The following CAST variants were observed in gnomAD, a reference collection of about 807,000 sequenced individuals.
CAST encodes MIR583 host.
CAST carries 76 observed loss-of-function variants against 119.6 expected under a neutral mutation model. The observed-to-expected ratio is 0.64, with a 90% CI of 0.53 to 0.77. CAST has a LOEUF of 0.77. CAST is among the 30% of genes least tolerant of loss of function. The pLI, the probability that CAST is intolerant of heterozygous loss-of-function variation, is 0.00. For synonymous variants in CAST, 319 were observed against 331.6 expected (o/e 0.96, Z 0.41); for missense variants, 953 against 946.5 (o/e 1.01, Z -0.09).
At chr5:95,969,892 C>G in the CAST span, among the ~76,000 whole-genome samples, 1 of 152,052 alleles carries the variant, frequency 6.6e-6, no homozygotes, top group African/African-American at 2.4e-5. Context: ...AGCAAGTTTT[C>G]TGAGGGAGGT....
the CAST span, among the ~76,000 whole-genome samples, chr5:96,494,839 C>T: frequency 2.6e-5 from 4 of 152,114 alleles, no homozygotes; most frequent in East Asian, 1.9e-4. Context: ...GTGCGTTGGC[C>T]GGGCGCAGTA....
intron 2 of CAST, among the ~76,000 whole-genome samples, chr5:96,680,367 AAAAAAAAAAAAAG>A (rs1244171184): frequency 2.2e-5 from 3 of 137,508 alleles, no homozygotes; most frequent in Non-Finnish European, 4.6e-5. Flanking sequence ...AAAAAAAAAA[AAAAAAAAAAAAAG>A]AAGAAGAAGA....
the CAST span, among the ~76,000 whole-genome samples, chr5:96,191,683 C>T: frequency 1.3e-5 from 2 of 152,208 alleles, no homozygotes; most frequent in Non-Finnish European, 2.9e-5. Context: ...GACTCTTCTC[C>T]CTCAGTCTCC....
chr5:96,468,212 A>G, the CAST span, among the ~76,000 whole-genome samples: 2 of 152,092 alleles, frequency 1.3e-5, no homozygotes, highest in Non-Finnish European at 2.9e-5. Context: ...GGTATAATGG[A>G]CACTGGAGAT....
chr5:96,643,365 T>G (rs898494738), intron 1 of CAST, among the ~76,000 whole-genome samples: 1 of 152,138 alleles, frequency 6.6e-6, no homozygotes, highest in East Asian at 1.9e-4. Context: ...TAGTTAAATC[T>G]ATAGAGGCAG....
At chr5:96,147,089 G>A in the CAST span, among the ~76,000 whole-genome samples, 1 of 152,198 alleles carries the variant, frequency 6.6e-6, no homozygotes, top group Non-Finnish European at 1.5e-5. Context: ...CATGTTCTGT[G>A]ATTATGCACA....
At chr5:96,289,101 A>G in the CAST span, among the ~76,000 whole-genome samples, 4 of 119,036 alleles carry the variant, frequency 3.4e-5, no homozygotes, top group Non-Finnish European at 7.0e-5. Flanking sequence ...TATATGATTA[A>G]GAAAAAAAAA....
chr5:96,242,909 A>G, the CAST span, among the ~76,000 whole-genome samples: 1 of 152,192 alleles, frequency 6.6e-6, no homozygotes, highest in Non-Finnish European at 1.5e-5. Flanking sequence ...CTTTTGTATT[A>G]TTCTTGCATA....
chr5:96,481,266 TA>T, the CAST span, among the ~76,000 whole-genome samples: 5 of 151,792 alleles, frequency 3.3e-5, no homozygotes, highest in African/African-American at 7.3e-5. Context: ...GTGAATCTAC[TA>T]AAAAAAACAC....
At chr5:96,235,785 C>T in the CAST span, among the ~76,000 whole-genome samples, 2 of 152,148 alleles carry the variant, frequency 1.3e-5, no homozygotes, top group Non-Finnish European at 2.9e-5. Flanking sequence ...AATTCCCTGC[C>T]TCTGAAAATC....
intron 1 of CAST, among the ~76,000 whole-genome samples, chr5:96,593,106 C>A (rs1746994110): frequency 6.6e-6 from 1 of 152,228 alleles, no homozygotes; most frequent in Non-Finnish European, 1.5e-5. Context: ...TCTCAGCTTC[C>A]TTTGTGGCCC....
chr5:96,257,523 T>C, the CAST span, among the ~76,000 whole-genome samples: 1 of 152,222 alleles, frequency 6.6e-6, no homozygotes, highest in Non-Finnish European at 1.5e-5. Flanking sequence ...GAATTGACGT[T>C]GATGTTGACA....
intron 1 of CAST, among the ~76,000 whole-genome samples, chr5:96,554,016 G>C (rs263387): frequency 0.33 from 50,769 of 152,056 alleles, 9,118 homozygotes; most frequent in Middle Eastern, 0.45. Context: ...TCCCCATCAA[G>C]CTACCACTCA....
chr5:96,304,582 G>C, the CAST span, among the ~76,000 whole-genome samples: 1 of 152,104 alleles, frequency 6.6e-6, no homozygotes, highest in Non-Finnish European at 1.5e-5. Context: ...TATGGTTTTA[G>C]GTCTTACATT....
At chr5:95,962,692 C>T in the CAST span, among the ~76,000 whole-genome samples, 1 of 152,100 alleles carries the variant, frequency 6.6e-6, no homozygotes, top group South Asian at 2.1e-4. Context: ...TGTTGTGATT[C>T]TCTGGGATCA....
chr5:96,749,959 C>T (rs898411632), intron 19 of CAST, among the ~76,000 whole-genome samples: 1 of 152,164 alleles, frequency 6.6e-6, no homozygotes, highest in East Asian at 1.9e-4. Context: ...GACTCTACCC[C>T]CAAAGTTTCT....
At chr5:96,500,753 T>C in the CAST span, among the ~76,000 whole-genome samples, 1 of 152,204 alleles carries the variant, frequency 6.6e-6, no homozygotes, top group East Asian at 1.9e-4. Flanking sequence ...TGTGCTTAAA[T>C]GTATAACTAA....
the CAST span, among the ~76,000 whole-genome samples, chr5:96,496,158 T>A: frequency 6.6e-6 from 1 of 152,244 alleles, no homozygotes; most frequent in Non-Finnish European, 1.5e-5. Flanking sequence ...AAATCCATAA[T>A]AAATGTCATT....
the CAST span, among the ~76,000 whole-genome samples, chr5:96,235,042 A>G: frequency 2.6e-5 from 4 of 152,226 alleles, no homozygotes; most frequent in Non-Finnish European, 5.9e-5. Context: ...GCAAATGGAA[A>G]AAATAGATTT....
Sources: gnomAD v4.1 joint callset for allele counts (sites outside exome capture counted in the v4.1 genomes callset) on GRCh38, gnomAD v4.1.1 for gene constraint, MANE v1.5 for transcripts, NCBI Gene and HGNC (gene_info 2026-07-23, HGNC 2026-07-21) for gene names.